SBF2: variants seen among roughly 807,000 people sequenced by gnomAD.
SBF2 encodes SET binding factor 2, also known as myotubularin-related protein 13.
In SBF2, 112 loss-of-function variants were observed where a neutral mutation model predicts 225.2. The observed-to-expected ratio is 0.50, with a 90% confidence interval of 0.43 to 0.58. The LOEUF (loss-of-function observed/expected upper bound fraction) is 0.58, where lower values mean the gene tolerates loss of function less well. Among genes scored for constraint, SBF2 ranks in the 20% least tolerant of loss-of-function variants. The pLI is 0.00. For missense variants in SBF2, 1,996 were observed against 2,206.2 expected (o/e 0.90, Z 1.91); for synonymous variants, 763 against 773.3 (o/e 0.99, Z 0.22).
rs1409393179 is a variant in SBF2 at position 10,196,867 on chromosome 11, T to TATA, written c.56-2881_56-2880insTAT. On this transcript the variant is annotated intron_variant, in intron 1 of 39. Transcript: ENST00000256190. The stretch of plus-strand genomic sequence containing the variant: ...ATATATATATATATATATATATATA[T>TATA]TTTTTTTTTCCTACAAAATGAATAC... Among the ~76,000 whole-genome samples the TATA allele has an allele frequency of 3.5e-3, 136 of 38,552 alleles. 1 individual carries two copies. Among genetic ancestry groups the TATA allele is most frequent in the East Asian group, 0.011 (9 of 806 alleles). The allele number at this position is 38,552 out of a possible 152,430, so 25.3% of individuals were successfully genotyped here.
intron 1 of SBF2, among the ~76,000 whole-genome samples, chr11:10,222,925 G>C (rs937427991): frequency 6.6e-6 from 1 of 151,960 alleles, no homozygotes; most frequent in African/African-American, 2.4e-5. Flanking sequence ...CAATAAATGA[G>C]TTTCAATAAC....
chr11:9,918,766 T>G (rs1863331773), intron 16 of SBF2, among the ~76,000 whole-genome samples: 1 of 151,484 alleles, frequency 6.6e-6, no homozygotes, highest in Non-Finnish European at 1.5e-5. Flanking sequence ...TGAGACGGAG[T>G]CTCACTCTGT....
chr11:9,980,529 C>T (rs1946907854), intron 13 of SBF2, among the ~76,000 whole-genome samples: 1 of 152,020 alleles, frequency 6.6e-6, no homozygotes, highest in Admixed American at 6.6e-5. Flanking sequence ...TACTGGCAGA[C>T]CATATCTATT....
chr11:9,893,148 G>A (rs990417830), intron 17 of SBF2, among the ~76,000 whole-genome samples: 4 of 152,140 alleles, frequency 2.6e-5, no homozygotes, highest in African/African-American at 9.7e-5. Flanking sequence ...AGCAATGCTG[G>A]CAAGACCCAG....
Position 9,845,650 on chromosome 11 carries a change from T to C in SBF2, c.3025A>G (p.Ile1009Val). 6.2e-7 allele frequency: 1 copy of C among 1,613,900 alleles called. No individual in the cohort carries two copies. The highest frequency in any genetic ancestry group is 2.2e-5 in the East Asian group (1 of 44,870). The change falls in exon 24 of 40, where the codon ATT becomes GTT. Residue 1009 changes from isoleucine to valine, a missense_variant. By Grantham distance (29) the Ile-to-Val change is conservative. Coordinates refer to ENST00000256190, the MANE Select transcript of SBF2 (RefSeq NM_030962.4). ...QLMKFRYPQS[I>V]FSTFAFAAGQ... ...GCAGCAAAAGCAAAGGTACTGAAAA[T>C]GGACTGAGGATAACGGAACTTCATC...
intron 1 of SBF2, among the ~76,000 whole-genome samples, chr11:10,260,480 G>GC (rs1961316953): frequency 6.6e-6 from 1 of 152,002 alleles, no homozygotes; most frequent in African/African-American, 2.4e-5. Flanking sequence ...ACTTTGGGAG[G>GC]CCAAGGCGGG....
At chr11:9,923,027 C>T (rs987079748) in intron 16 of SBF2, among the ~76,000 whole-genome samples, 2 of 152,080 alleles carry the variant, frequency 1.3e-5, no homozygotes, top group African/African-American at 2.4e-5. Flanking sequence ...GCACAGTGCT[C>T]GCCAGCTTGA....
At chr11:10,187,763 A>C (rs570856190) in intron 2 of SBF2, among the ~76,000 whole-genome samples, 6 of 152,230 alleles carry the variant, frequency 3.9e-5, no homozygotes, top group South Asian at 4.2e-4. Flanking sequence ...GGGAAAAAAA[A>C]CCTTCTATTA....
At chr11:10,033,517 T>C (rs1259430771) in intron 3 of SBF2, among the ~76,000 whole-genome samples, 1 of 152,146 alleles carries the variant, frequency 6.6e-6, no homozygotes, top group South Asian at 2.1e-4. Context: ...TATTACGATG[T>C]TGACTTTTCC....
intron 2 of SBF2, among the ~76,000 whole-genome samples, chr11:10,043,648 C>T (rs750824526): frequency 3.4e-4 from 52 of 152,218 alleles, no homozygotes; most frequent in Non-Finnish European, 5.9e-4. Flanking sequence ...GATCACAGCT[C>T]ACTTTAACCC....
chr11:9,789,280 G>T lies in SBF2; in HGVS notation c.4761C>A (p.Thr1587=). 6.2e-7 allele frequency: 1 copy of T among 1,614,114 alleles called. No individual in the cohort carries two copies. Among genetic ancestry groups the T allele is most frequent in the African/African-American group, 1.3e-5 (1 of 74,998 alleles). The part of the protein sequence containing the change: ...LKKWDYYIEE[T]LSTGPSYDWM... ...AGTCATAGGAAGGGCCTGTGGACAG[G>T]GTCTCTTCTATGTAGTAATCCCACT... The change falls in exon 35 of 40, where the codon ACC becomes ACA. Residue 1587 remains threonine, a synonymous_variant. Transcript: ENST00000256190.
intron 20 of SBF2, 131 bp downstream of exon 20, chr11:9,853,398 ATTTAAAAACAT>A (rs1408326826): frequency 8.0e-6 from 6 of 745,666 alleles, no homozygotes; most frequent in African/African-American, 5.3e-5. Context: ...TTTTACAACA[ATTTAAAAACAT>A]TTTAAAAACT....
At chr11:10,247,043 T>C in intron 1 of SBF2, among the ~76,000 whole-genome samples, 1 of 152,158 alleles carries the variant, frequency 6.6e-6, no homozygotes, top group Non-Finnish European at 1.5e-5. Context: ...GCTATGATTA[T>C]ACCACTGTGC....
chr11:9,784,664 C>CCTTTGTGCCATGTTGG, intron 37 of SBF2, among the ~76,000 whole-genome samples: 1 of 152,304 alleles, frequency 6.6e-6, no homozygotes, highest in African/African-American at 2.4e-5. Flanking sequence ...CAGTAGCCAT[C>CCTTTGTGCCATGTTGG]CTTTGTGCCA....
At chr11:9,818,019 C>T (rs2133913497) in intron 28 of SBF2, among the ~76,000 whole-genome samples, 1 of 152,332 alleles carries the variant, frequency 6.6e-6, no homozygotes, top group East Asian at 1.9e-4. Flanking sequence ...GATCTCAGCA[C>T]ATCACAACCT....
At chr11:10,095,632 T>C (rs28731164) in intron 2 of SBF2, among the ~76,000 whole-genome samples, 32,222 of 152,136 alleles carry the variant, frequency 0.21, 4,102 homozygotes, top group Non-Finnish European at 0.29. Context: ...TGATGAGTCA[T>C]GTTCCAAAGA....
intron 1 of SBF2, among the ~76,000 whole-genome samples, chr11:10,212,804 C>A (rs1957984473): frequency 6.6e-6 from 1 of 152,200 alleles, no homozygotes; most frequent in Non-Finnish European, 1.5e-5. Flanking sequence ...GTAACCCCAG[C>A]ACTTTGGGAT....
chr11:10,026,724 T>C (rs982022870), intron 6 of SBF2, among the ~76,000 whole-genome samples: 5 of 152,122 alleles, frequency 3.3e-5, no homozygotes, highest in Non-Finnish European at 7.4e-5. Context: ...TGGTGATGAC[T>C]AAGATCCTGT....
intron 1 of SBF2, among the ~76,000 whole-genome samples, chr11:10,196,866 A>ATATATATATATATATATATATATTTT: frequency 2.0e-5 from 2 of 99,300 alleles, no homozygotes; most frequent in African/African-American, 4.0e-5. Flanking sequence ...ATATATATAT[A>ATATATATATATATATATATATATTTT]TTTTTTTTTT....
Sources: gnomAD v4.1 joint callset for allele counts (sites outside exome capture counted in the v4.1 genomes callset) on GRCh38, gnomAD v4.1.1 for gene constraint, MANE v1.5 for transcripts, NCBI Gene and HGNC (gene_info 2026-07-23, HGNC 2026-07-21) for gene names.